Variants in ATG5 observed in about 807,000 individuals in gnomAD.
The protein encoded by ATG5 is autophagy protein 5.
In ATG5, 14 loss-of-function variants were observed where a neutral mutation model predicts 36.5. That is an observed-to-expected ratio of 0.38 (90% CI 0.25 to 0.60). The LOEUF (loss-of-function observed/expected upper bound fraction) is 0.60. Ranked by LOEUF, ATG5 falls within the 20% of genes least tolerant of loss-of-function variation. The pLI is 0.60. For missense variants in ATG5, 195 were observed against 326.7 expected (o/e 0.60, Z 3.11); for synonymous variants, 95 against 101.5 (o/e 0.94, Z 0.38).
At chr6:106,318,380 A>G (rs1770938815) in intron 1 of ATG5, among the ~76,000 whole-genome samples, 1 of 152,052 alleles carries the variant, frequency 6.6e-6, no homozygotes, top group African/African-American at 2.4e-5. Flanking sequence ...TCCCTTCCAC[A>G]TGTCACGAAC....
At chr6:106,309,573 G>T (rs1359916712) in intron 2 of ATG5, among the ~76,000 whole-genome samples, 2 of 151,998 alleles carry the variant, frequency 1.3e-5, no homozygotes, top group Non-Finnish European at 2.9e-5. Context: ...GATTAGTGAA[G>T]AAAGAAAAAG....
At chr6:106,247,014 T>C (rs1379982058) in intron 6 of ATG5, among the ~76,000 whole-genome samples, 1 of 152,206 alleles carries the variant, frequency 6.6e-6, no homozygotes, top group Non-Finnish European at 1.5e-5. Context: ...CAACACTAAA[T>C]AAATATTCTT....
At chr6:106,229,792 G>A (rs535547402) in intron 6 of ATG5, among the ~76,000 whole-genome samples, 7 of 152,104 alleles carry the variant, frequency 4.6e-5, no homozygotes, top group Admixed American at 1.3e-4. Context: ...AATCTGTAGC[G>A]GCAACTGCTT....
intron 5 of ATG5, among the ~76,000 whole-genome samples, chr6:106,249,751 C>A (rs182303744): frequency 5.3e-5 from 8 of 152,276 alleles, no homozygotes; most frequent in Admixed American, 1.3e-4. Context: ...TCCAATTAGT[C>A]CACATCCTTG....
chr6:106,305,373 A>G (rs669975), intron 3 of ATG5, among the ~76,000 whole-genome samples: 90,285 of 152,030 alleles, frequency 0.59, 27,903 homozygotes, highest in African/African-American at 0.77. Context: ...CCAACAGGAA[A>G]ATAAAGTCAT....
At chr6:106,239,644 T>TA (rs1307118064) in intron 6 of ATG5, among the ~76,000 whole-genome samples, 2 of 152,194 alleles carry the variant, frequency 1.3e-5, no homozygotes, top group Non-Finnish European at 2.9e-5. Context: ...AATCCAGAAT[T>TA]AGATTCCAGT....
chr6:106,280,681 T>C (rs1158424166), intron 4 of ATG5, among the ~76,000 whole-genome samples: 1 of 152,156 alleles, frequency 6.6e-6, no homozygotes, highest in East Asian at 1.9e-4. Flanking sequence ...TGTGACACCG[T>C]ATTAAAACTT....
At chr6:106,204,790 T>C (rs890592563) in intron 6 of ATG5, among the ~76,000 whole-genome samples, 3 of 152,184 alleles carry the variant, frequency 2.0e-5, no homozygotes, top group African/African-American at 7.2e-5. Context: ...GAACTGTGAG[T>C]CAATTAAACC....
Position 106,248,262 on chromosome 6 carries a change from ATT to A in ATG5, c.479-20_479-19del, listed in dbSNP as rs1562235596. 1.3e-6 allele frequency: 2 copies of A among 1,546,476 alleles called. No individual in the cohort carries two copies. The highest frequency in any genetic ancestry group is 1.7e-5 in the Admixed American group (1 of 59,482). ...AAATCTGTCTGTAATGATATAAATTATTTGTTATTAAAAATGAACAACATTAT... is the reference window on the plus strand; with the variant it reads ...AAATCTGTCTGTAATGATATAAATTATGTTATTAAAAATGAACAACATTAT... On this transcript the variant is annotated intron_variant, in intron 5 of 7. Coordinates refer to ENST00000369076, the MANE Select transcript of ATG5 (RefSeq NM_004849.4).
intron 3 of ATG5, among the ~76,000 whole-genome samples, chr6:106,307,265 C>A (rs1367166014): frequency 6.6e-6 from 1 of 152,168 alleles, no homozygotes; most frequent in Non-Finnish European, 1.5e-5. Context: ...AGAGCAAGTC[C>A]ATTTTTAACC....
intron 6 of ATG5, among the ~76,000 whole-genome samples, chr6:106,209,305 AACTG>A (rs1443020618): frequency 6.6e-6 from 1 of 152,206 alleles, no homozygotes; most frequent in Non-Finnish European, 1.5e-5. Context: ...AATGCTTATA[AACTG>A]ACTGTAATAG....
rs573927898 is a variant in ATG5, at chr6:106,231,045, C to T, written c.573+17105G>A. ...AATAAGGACCCCCCTTCAACCCAAACGGTCCAAAAGGAGATAGACAAAGGG... is the reference window on the plus strand; with the variant it reads ...AATAAGGACCCCCCTTCAACCCAAATGGTCCAAAAGGAGATAGACAAAGGG... On this transcript the variant is annotated intron_variant, in intron 6 of 7. Transcript: ENST00000369076. Among the ~76,000 whole-genome samples, 41 of 151,652 alleles carry T rather than the reference C, an allele frequency of 2.7e-4. 1 individual carries two copies. Among genetic ancestry groups the T allele is most frequent in the South Asian group, 2.3e-3 (11 of 4,786 alleles).
chr6:106,238,130 G>A (rs1777968832), intron 6 of ATG5, among the ~76,000 whole-genome samples: 1 of 152,014 alleles, frequency 6.6e-6, no homozygotes, highest in South Asian at 2.1e-4. Context: ...ATACTTTCTT[G>A]TCTTTACATA....
chr6:106,308,227 C>T, intron 3 of ATG5, 137 bp downstream of exon 3: 8 of 662,462 alleles, frequency 1.2e-5, no homozygotes, highest in Non-Finnish European at 1.7e-5. Context: ...TAGTAATAGT[C>T]TAAACTTCAC....
chr6:106,290,190 CTTATTTTATT>C (rs760405075), intron 4 of ATG5, among the ~76,000 whole-genome samples: 90 of 149,000 alleles, frequency 6.0e-4, no homozygotes, highest in African/African-American at 2.1e-3. Context: ...CCATACTTGG[CTTATTTTATT>C]TTATTTTATT....
chr6:106,236,327 T>C (rs1777903799), intron 6 of ATG5, among the ~76,000 whole-genome samples: 1 of 152,186 alleles, frequency 6.6e-6, no homozygotes, highest in African/African-American at 2.4e-5. Context: ...GACATATATT[T>C]TCATTTTTCT....
chr6:106,293,642 C>T (rs1780413910), intron 3 of ATG5, among the ~76,000 whole-genome samples: 1 of 152,082 alleles, frequency 6.6e-6, no homozygotes, highest in South Asian at 2.1e-4. Context: ...ACAAACTGTA[C>T]TATAACTTTT....
chr6:106,308,513 C>A, intron 2 of ATG5, 22 bp from the exon 3 acceptor site: 1 of 1,505,914 alleles, frequency 6.6e-7, no homozygotes. Flanking sequence ...ATTTGTAAAA[C>A]CGTATTTATT....
intron 6 of ATG5, among the ~76,000 whole-genome samples, chr6:106,244,779 T>C (rs1212335134): frequency 6.6e-6 from 1 of 152,254 alleles, no homozygotes. Flanking sequence ...CAGGCAAATA[T>C]GTGTGTAAAT....
Sources: gnomAD v4.1 joint callset for allele counts (sites outside exome capture counted in the v4.1 genomes callset) on GRCh38, gnomAD v4.1.1 for gene constraint, MANE v1.5 for transcripts, NCBI Gene and HGNC (gene_info 2026-07-23, HGNC 2026-07-21) for gene names.